The following KLF9 variants were observed in gnomAD, a reference collection of about 807,000 sequenced individuals.
KLF9 encodes the protein KLF transcription factor 9.
In KLF9, 2 loss-of-function variants were observed where a neutral mutation model predicts 17.3. The observed-to-expected ratio is 0.12, with a 90% CI of 0.05 to 0.36. The LOEUF is 0.36. Among genes scored for constraint, KLF9 ranks in the 10% least tolerant of loss-of-function variants. KLF9 has a pLI of 1.00. For synonymous variants in KLF9, 138 were observed against 139.2 expected, an observed-to-expected ratio of 0.99 and a Z score of 0.06; for missense variants, 226 against 333.2, an observed-to-expected ratio of 0.68 and a Z score of 2.51.
intron 1 of KLF9, among the ~76,000 whole-genome samples, chr9:70,411,953 T>C (rs928065108): frequency 6.6e-6 from 1 of 152,036 alleles, no homozygotes; most frequent in Non-Finnish European, 1.5e-5. Context: ...ACCAACAGAA[T>C]TGGATGACCC....
At chr9:70,412,710 C>T (rs1418945688) in intron 1 of KLF9, 149 bp downstream of exon 1, 1 of 801,134 alleles carries the variant, frequency 1.2e-6, no homozygotes, top group Non-Finnish European at 2.0e-6. Flanking sequence ...CGCCAATGCA[C>T]ATTTAAATTA....
chr9:70,387,429 C>T lies in KLF9; in HGVS notation c.*347G>A, dbSNP rs1224558377. 6.9e-6 allele frequency: 1 copy of T among 144,338 alleles called. No homozygotes were observed. The highest frequency in any genetic ancestry group is 1.5e-5 in the Non-Finnish European group (1 of 66,882). 8.9% of individuals were successfully genotyped at this position (144,338 alleles called of 1,614,324 possible). A position where few individuals can be genotyped will look rare whatever the true frequency, so the allele number is the denominator to read the frequency against. The stretch of plus-strand genomic sequence containing the variant: ...CCCCAGTCTTGGCCTTACCCCCCTC[C>T]CCCCCACCCACTCCCTACCCTCCCC... On this transcript the variant is annotated 3_prime_UTR_variant, in exon 2 of 2. Transcript: ENST00000377126.
At chr9:70,396,155 CTGG>C (rs1198989085) in intron 1 of KLF9, among the ~76,000 whole-genome samples, 1 of 152,128 alleles carries the variant, frequency 6.6e-6, no homozygotes, top group African/African-American at 2.4e-5. Flanking sequence ...CTCTACCACA[CTGG>C]TGGGATTTAT....
At chr9:70,402,488 C>T (rs2037228454) in intron 1 of KLF9, among the ~76,000 whole-genome samples, 1 of 152,166 alleles carries the variant, frequency 6.6e-6, no homozygotes, top group Non-Finnish European at 1.5e-5. Context: ...TTCCTGTAAA[C>T]ATGATTTGTT....
intron 1 of KLF9, among the ~76,000 whole-genome samples, chr9:70,405,150 G>A (rs994471861): frequency 5.9e-5 from 9 of 152,082 alleles, no homozygotes; most frequent in African/African-American, 1.7e-4. Flanking sequence ...TTTTGCTCCC[G>A]GTTCTAAAAT....
chr9:70,409,196 ATATG>A (rs1445274606), intron 1 of KLF9, among the ~76,000 whole-genome samples: 11 of 51,272 alleles, frequency 2.1e-4, no homozygotes, highest in East Asian at 8.8e-4. Context: ...ATATACATGT[ATATG>A]TATATATATA....
intron 1 of KLF9, among the ~76,000 whole-genome samples, chr9:70,396,248 T>C (rs894562456): frequency 6.6e-6 from 1 of 152,142 alleles, no homozygotes; most frequent in African/African-American, 2.4e-5. Context: ...GATAGAGACA[T>C]GAAAAGGGAT....
intron 1 of KLF9, among the ~76,000 whole-genome samples, chr9:70,406,579 A>G (rs3780603): frequency 0.35 from 53,780 of 152,142 alleles, 10,538 homozygotes; most frequent in Non-Finnish European, 0.44. Context: ...GGGGCGGAGA[A>G]AGAGAGCCAG....
At chr9:70,388,029 A>G (rs1396566141) in intron 1 of KLF9, 24 bp from the exon 2 acceptor site, 2 of 1,590,036 alleles carry the variant, frequency 1.3e-6, no homozygotes, top group Non-Finnish European at 8.6e-7. Context: ...ATCAGAAAGG[A>G]TACAGCTCAA....
intron 1 of KLF9, among the ~76,000 whole-genome samples, chr9:70,409,144 GTATATGTATATATATACACATATA>G (rs2037288765): frequency 5.4e-4 from 30 of 55,408 alleles, no homozygotes; most frequent in Admixed American, 1.1e-3. Flanking sequence ...ACATATATAT[GTATATGTATATATATACACATATA>G]TGTATATATA....
chr9:70,409,115 CAT>C (rs1300000991), intron 1 of KLF9, among the ~76,000 whole-genome samples: 1 of 72,862 alleles, frequency 1.4e-5, no homozygotes, highest in Admixed American at 1.7e-4. Flanking sequence ...TATATATATA[CAT>C]ATATGTATAT....
At chr9:70,409,220 GTATA>G (rs33924111) in intron 1 of KLF9, among the ~76,000 whole-genome samples, 3,621 of 131,398 alleles carry the variant, frequency 0.028, 152 homozygotes, top group African/African-American at 0.051. Context: ...ATACATATAT[GTATA>G]TATATATACT....
chr9:70,395,522 ATAAAT>A (rs1441992814), intron 1 of KLF9, among the ~76,000 whole-genome samples: 1 of 152,198 alleles, frequency 6.6e-6, no homozygotes, highest in African/African-American at 2.4e-5. Flanking sequence ...AAGAATCAAA[ATAAAT>A]TAAAAGAAAT....
chr9:70,388,602 A>C (rs1288229134), intron 1 of KLF9, among the ~76,000 whole-genome samples: 1 of 152,134 alleles, frequency 6.6e-6, no homozygotes, highest in Non-Finnish European at 1.5e-5. Flanking sequence ...TGGTTTCATA[A>C]ATTCTTTCAA....
At position 70,388,821 on chromosome 9, in the gene KLF9, T is replaced by C. The variant is rs2037132412; in HGVS notation, c.506-816A>G. On this transcript the variant is annotated intron_variant, in intron 1 of 1. Coordinates refer to ENST00000377126, the MANE Select transcript of KLF9 (RefSeq NM_001206.4). ...CTGCCTTCCTGCAAAGGCCATACTT[T>C]AAGTCATATTGTCTTAACACTAGAA... Among the ~76,000 whole-genome samples, 5 of 152,188 alleles carry C rather than the reference T, an allele frequency of 3.3e-5. 1 individual carries two copies. In the South Asian group the frequency reaches 1.0e-3, roughly 32 times the overall value.
intron 1 of KLF9, among the ~76,000 whole-genome samples, chr9:70,399,170 C>A (rs1217573985): frequency 6.6e-6 from 1 of 152,094 alleles, no homozygotes; most frequent in Non-Finnish European, 1.5e-5. Context: ...TATGGCCCTG[C>A]CTGAAAACTA....
At chr9:70,394,659 T>C (rs1346623451) in intron 1 of KLF9, among the ~76,000 whole-genome samples, 1 of 135,446 alleles carries the variant, frequency 7.4e-6, no homozygotes, top group East Asian at 2.6e-4. Context: ...TTGACACAAC[T>C]TTCTCTTTGA....
chr9:70,407,564 G>A (rs1249588193), intron 1 of KLF9, among the ~76,000 whole-genome samples: 1 of 152,228 alleles, frequency 6.6e-6, no homozygotes, highest in Non-Finnish European at 1.5e-5. Flanking sequence ...GATTCTCAGA[G>A]GCCCCCCGAC....
In KLF9 at chr9:70,406,902, A is replaced by G. The variant is rs1488674707; in HGVS notation, c.505+5957T>C. On this transcript the variant is annotated intron_variant, in intron 1 of 1. Coordinates refer to ENST00000377126, the MANE Select transcript of KLF9 (RefSeq NM_001206.4). ...AAGGGAAAGAGAGAGAGAGAGAGAA[A>G]AAAAAAAAAAGAACACGGAAGATTT... 3.4e-3 allele frequency among the ~76,000 whole-genome samples: 510 copies of G among 149,128 alleles called. 2 individuals carry two copies. The highest frequency in any genetic ancestry group is 0.01 in the African/African-American group (427 of 40,788).
Sources: allele counts gnomAD v4.1 joint callset (sites outside exome capture counted in the v4.1 genomes callset), GRCh38; gene constraint gnomAD v4.1.1; transcripts MANE v1.5; gene names NCBI Gene and HGNC (gene_info 2026-07-23, HGNC 2026-07-21).